SLC10A7: variants seen among roughly 807,000 people sequenced by gnomAD.
The protein encoded by SLC10A7 is solute carrier family 10 member 7, also known as sodium/bile acid cotransporter 7.
SLC10A7 carries 29 observed loss-of-function variants against 43.2 expected under a neutral mutation model. That is an observed-to-expected ratio of 0.67 (90% CI 0.50 to 0.92). The LOEUF is 0.92. Among genes scored for constraint, SLC10A7 ranks in the 40% least tolerant of loss-of-function variants. The pLI, the probability that SLC10A7 is intolerant of heterozygous loss-of-function variation, is 0.00. For missense variants in SLC10A7, 295 were observed against 403.2 expected, an observed-to-expected ratio of 0.73 and a Z score of 2.30; for synonymous variants, 152 against 144.8, an observed-to-expected ratio of 1.05 and a Z score of -0.35.
At chr4:146,433,938 C>G (rs1417444984) in intron 5 of SLC10A7, among the ~76,000 whole-genome samples, 4 of 152,046 alleles carry the variant, frequency 2.6e-5, no homozygotes, top group African/African-American at 7.2e-5. Flanking sequence ...CAGCATTTTA[C>G]CCATTTACAT....
chr4:146,358,073 CAA>C (rs57927989), intron 5 of SLC10A7, among the ~76,000 whole-genome samples: 7 of 134,000 alleles, frequency 5.2e-5, no homozygotes, highest in Admixed American at 7.5e-5. Context: ...AGCACCCCCA[CAA>C]AAAAAAAAAA....
chr4:146,521,805 C>T lies in SLC10A7; in HGVS notation c.-88G>A. Reference sequence around the variant, plus strand: ...ACCTAATCCTTGGAGCGTCTCCACACTTTCCTTGGTCCCTCCAGACATGCA... The same window carrying T: ...ACCTAATCCTTGGAGCGTCTCCACATTTTCCTTGGTCCCTCCAGACATGCA... On this transcript the variant is annotated 5_prime_UTR_variant, in exon 1 of 12. In the 5' UTR this introduces an upstream ATG that the reference lacks. Transcript: ENST00000335472. 1 of 1,079,882 alleles carries T rather than the reference C, an allele frequency of 9.3e-7. No individual in the cohort carries two copies. The highest frequency in any genetic ancestry group is 1.4e-6 in the Non-Finnish European group (1 of 709,220). The allele number at this position is 1,079,882 out of a possible 1,614,324, so 66.9% of individuals were successfully genotyped here. A position where few individuals can be genotyped will look rare whatever the true frequency, so the allele number is the denominator to read the frequency against.
chr4:146,514,105 C>T (rs952193379), intron 2 of SLC10A7: 6 of 152,228 alleles, frequency 3.9e-5, no homozygotes, highest in African/African-American at 1.4e-4. Flanking sequence ...CTGACCATCT[C>T]ATTCATTTGC....
At chr4:146,470,475 A>T (rs558920363) in intron 4 of SLC10A7, among the ~76,000 whole-genome samples, 1 of 152,128 alleles carries the variant, frequency 6.6e-6, no homozygotes, top group South Asian at 2.1e-4. Flanking sequence ...ACATGCTATA[A>T]AAGAATTTTG....
At chr4:146,392,903 C>T (rs1182737790) in intron 5 of SLC10A7, among the ~76,000 whole-genome samples, 1 of 152,108 alleles carries the variant, frequency 6.6e-6, no homozygotes, top group Non-Finnish European at 1.5e-5. Flanking sequence ...CAATTCTCCT[C>T]TCCATTTTCT....
chr4:146,476,887 G>C (rs140045219), intron 4 of SLC10A7, among the ~76,000 whole-genome samples: 46 of 152,046 alleles, frequency 3.0e-4, no homozygotes, highest in African/African-American at 1.1e-3. Context: ...AGAAACACAG[G>C]TGTAAAGAGT....
intron 6 of SLC10A7, 67 bp from the exon 7 acceptor site, chr4:146,306,076 T>G: frequency 7.9e-7 from 1 of 1,270,098 alleles, no homozygotes. Flanking sequence ...TGTTTATAAA[T>G]AATGCAATAA....
intron 10 of SLC10A7, among the ~76,000 whole-genome samples, chr4:146,272,543 G>T (rs1044819139): frequency 4.6e-5 from 7 of 152,094 alleles, no homozygotes; most frequent in African/African-American, 1.4e-4. Context: ...AGCATGGAGC[G>T]GGCTGTCATT....
intron 5 of SLC10A7, among the ~76,000 whole-genome samples, chr4:146,387,159 G>A (rs1738066464): frequency 6.6e-6 from 1 of 152,106 alleles, no homozygotes; most frequent in Non-Finnish European, 1.5e-5. Flanking sequence ...ATTTAGACTA[G>A]TGTCCTTATA....
At chr4:146,272,519 C>T (rs1217872672) in intron 10 of SLC10A7, among the ~76,000 whole-genome samples, 1 of 152,104 alleles carries the variant, frequency 6.6e-6, no homozygotes, top group African/African-American at 2.4e-5. Context: ...CTCATGTATT[C>T]TTTACTGCAA....
chr4:146,430,661 C>T (rs72729871), intron 5 of SLC10A7, among the ~76,000 whole-genome samples: 4 of 152,138 alleles, frequency 2.6e-5, no homozygotes, highest in Admixed American at 1.3e-4. Flanking sequence ...AAAAGCTACT[C>T]AGGAAAAGTA....
chr4:146,258,303 C>A (rs1728003805), intron 11 of SLC10A7, among the ~76,000 whole-genome samples: 1 of 152,108 alleles, frequency 6.6e-6, no homozygotes, highest in Non-Finnish European at 1.5e-5. Flanking sequence ...CAGGTTCTAT[C>A]TTATTTGGAA....
Position 146,443,607 on chromosome 4 carries a change from G to A in SLC10A7, c.397-786C>T, listed in dbSNP as rs77849649. On this transcript the variant is annotated intron_variant, in intron 4 of 11. Transcript: ENST00000335472. Reference sequence around the variant, plus strand: ...CAAGAAAGAAAAAATAATAAAAGGGGTAGAGAGAACCTATTTACATCTCCT... The same window carrying A: ...CAAGAAAGAAAAAATAATAAAAGGGATAGAGAGAACCTATTTACATCTCCT... 9.0e-4 allele frequency among the ~76,000 whole-genome samples: 137 copies of A among 152,228 alleles called. No individual in the cohort carries two copies. The East Asian group carries it at 0.015, about 17-fold the overall frequency.
At chr4:146,335,986 G>A (rs773481925) in intron 5 of SLC10A7, among the ~76,000 whole-genome samples, 5 of 152,136 alleles carry the variant, frequency 3.3e-5, no homozygotes, top group South Asian at 2.1e-4. Flanking sequence ...ATCAGACTCC[G>A]CCCCAGAACT....
chr4:146,505,758 A>G (rs1294214919), intron 3 of SLC10A7, among the ~76,000 whole-genome samples: 1 of 152,112 alleles, frequency 6.6e-6, no homozygotes, highest in Non-Finnish European at 1.5e-5. Flanking sequence ...TAAATTCCCA[A>G]TCTCTGAGGC....
rs79606861 is a variant in SLC10A7, at chr4:146,321,405, A to G, written c.471+4556T>C. Reference sequence around the variant, plus strand: ...TCTTCTTGTTCTTATAAGGACATCAATCTTATTTGATTCAGGGCCCACTCT... The same window carrying G: ...TCTTCTTGTTCTTATAAGGACATCAGTCTTATTTGATTCAGGGCCCACTCT... On this transcript the variant is annotated intron_variant, in intron 6 of 11. Transcript: ENST00000335472. 7.5e-3 allele frequency among the ~76,000 whole-genome samples: 1,143 copies of G among 152,116 alleles called. 14 individuals carry two copies. Among genetic ancestry groups the G allele is most frequent in the African/African-American group, 0.026 (1,085 of 41,520 alleles).
intron 10 of SLC10A7, among the ~76,000 whole-genome samples, chr4:146,273,119 G>C (rs536618806): frequency 6.6e-6 from 1 of 152,288 alleles, no homozygotes; most frequent in African/African-American, 2.4e-5. Flanking sequence ...CTAATGCTAA[G>C]AGCTGTCATT....
chr4:146,340,249 G>A (rs1734168116), intron 5 of SLC10A7, among the ~76,000 whole-genome samples: 1 of 151,838 alleles, frequency 6.6e-6, no homozygotes, highest in Non-Finnish European at 1.5e-5. Context: ...CTCAAGGGCA[G>A]AAGGAAAGGC....
At chr4:146,489,705 T>C (rs963242668) in intron 4 of SLC10A7, among the ~76,000 whole-genome samples, 2 of 152,198 alleles carry the variant, frequency 1.3e-5, no homozygotes, top group African/African-American at 4.8e-5. Context: ...ACTCTTTTTT[T>C]CCTTCCAGAA....
Sources: allele counts gnomAD v4.1 joint callset (sites outside exome capture counted in the v4.1 genomes callset), GRCh38; gene constraint gnomAD v4.1.1; transcripts MANE v1.5; gene names NCBI Gene and HGNC (gene_info 2026-07-23, HGNC 2026-07-21).